The following RELN variants were observed in gnomAD, a reference collection of about 807,000 sequenced individuals.
RELN encodes the protein reelin.
A neutral mutation model predicts 427.6 loss-of-function variants in RELN; 108 were observed. The observed-to-expected ratio is 0.25, with a 90% CI of 0.22 to 0.30. RELN has a LOEUF of 0.30. Ranked by LOEUF, RELN falls within the 10% of genes least tolerant of loss-of-function variation. The pLI, the probability that RELN is intolerant of heterozygous loss-of-function variation, is 1.00. For missense variants in RELN, 3,715 were observed against 4,302.8 expected (o/e 0.86, Z 3.82); for synonymous variants, 1,524 against 1,513.4 (o/e 1.01, Z -0.16).
chr7:103,556,694 G>A (rs1584292452), intron 38 of RELN, among the ~76,000 whole-genome samples: 1 of 152,162 alleles, frequency 6.6e-6, no homozygotes, highest in Non-Finnish European at 1.5e-5. Flanking sequence ...TCTTGCTGCT[G>A]CCATGTAAGA....
intron 17 of RELN, among the ~76,000 whole-genome samples, chr7:103,637,947 C>T (rs899414360): frequency 6.6e-6 from 1 of 152,036 alleles, no homozygotes; most frequent in Non-Finnish European, 1.5e-5. Flanking sequence ...AACTGGTGAT[C>T]GTTTAGAGAT....
chr7:103,630,851 G>GTTTGTTT (rs1562930901), intron 19 of RELN, among the ~76,000 whole-genome samples: 1 of 20,548 alleles, frequency 4.9e-5, no homozygotes, highest in African/African-American at 2.0e-4. Flanking sequence ...TTATTTTTTT[G>GTTTGTTT]TTTTTTTTGT....
At chr7:103,773,426 CCTCTCT>C (rs60313039) in intron 4 of RELN, among the ~76,000 whole-genome samples, 4 of 46,294 alleles carry the variant, frequency 8.6e-5, no homozygotes, top group Admixed American at 2.6e-4. Context: ...TCCCTCGCTC[CCTCTCT>C]CTCTCTCTCT....
At chr7:103,696,050 A>T (rs1333573840) in intron 10 of RELN, among the ~76,000 whole-genome samples, 8 of 152,138 alleles carry the variant, frequency 5.3e-5, no homozygotes, top group African/African-American at 1.7e-4. Context: ...TTGAGGGTTC[A>T]CCAAATAATT....
Position 103,761,631 on chromosome 7 carries a change from G to T in RELN, c.545-8417C>A, listed in dbSNP as rs188769556. ...CCAAGACCAGTAAATTTTTTTTTGG[G>T]GGGGGGTAGAGACAAGATCTTACCA... On this transcript the variant is annotated intron_variant, in intron 4 of 64. Transcript: ENST00000428762. 6.9e-4 allele frequency among the ~76,000 whole-genome samples: 105 copies of T among 151,490 alleles called. 2 individuals are homozygous for T. Among genetic ancestry groups the T allele is most frequent in the Admixed American group, 1.8e-3 (27 of 15,216 alleles).
rs1223188878 is a variant in RELN, at chr7:103,553,651, A to C, written c.5969+9T>G. On this transcript the variant is annotated intron_variant, in intron 39 of 64. Transcript: ENST00000428762. ...GCAGTGGTTTTATTTTTAGATTCTT[A>C]ATACTTACGGTGCCCCCTTTGAAGA... The C allele has an allele frequency of 6.2e-7, 1 of 1,613,794 alleles. No individual in the cohort carries two copies. Among genetic ancestry groups the C allele is most frequent in the Non-Finnish European group, 8.5e-7 (1 of 1,179,742 alleles).
chr7:103,932,080 TGCAC>T (rs2116710742), intron 1 of RELN, among the ~76,000 whole-genome samples: 1 of 152,316 alleles, frequency 6.6e-6, no homozygotes, highest in South Asian at 2.1e-4. Flanking sequence ...TAAAGACACC[TGCAC>T]ACATATGTTC....
At position 103,500,877 on chromosome 7, in the gene RELN, C is replaced by T. The variant is rs1829004069; in HGVS notation, c.8535G>A (p.Trp2845Ter). 1 of 1,613,972 alleles carries T rather than the reference C, an allele frequency of 6.2e-7. No individual in the cohort carries two copies. Among genetic ancestry groups the T allele is most frequent in the Admixed American group, 1.7e-5 (1 of 59,990 alleles). The change falls in exon 53 of 65, where the codon TGG becomes TGA. Residue 2845 changes from tryptophan to a stop codon, truncating the protein, a stop_gained. Coordinates refer to ENST00000428762, the MANE Select transcript of RELN (RefSeq NM_005045.4). LOFTEE classifies it high-confidence loss of function. Reference protein sequence around the residue: ...RFYQKYSDMQWAIDNFYLGPG... With the variant: ...RFYQKYSDMQ ...GGCCCAGGTAGAAATTATCGATTGCCCACTGCATGTCTGAGTACTTCTGAT... is the reference window on the plus strand; with the variant it reads ...GGCCCAGGTAGAAATTATCGATTGCTCACTGCATGTCTGAGTACTTCTGAT...
chr7:103,500,679 A>ATAAG lies in RELN; in HGVS notation c.8667+62_8667+65dup, dbSNP rs147789346. Reference sequence around the variant, plus strand: ...CATTGTTATAGATTATGTCTCATACATAAGTTGGTTCCTAGGCATGACCCA... The same window carrying ATAAG: ...CATTGTTATAGATTATGTCTCATACATAAGTAAGTTGGTTCCTAGGCATGACCCA... On this transcript the variant is annotated intron_variant, in intron 53 of 64. Coordinates refer to ENST00000428762, the MANE Select transcript of RELN (RefSeq NM_005045.4). The ATAAG allele has an allele frequency of 2.5e-4, 382 of 1,522,412 alleles. 1 individual carries two copies. The African/African-American group carries it at 4.8e-3, about 19-fold the overall frequency. The allele number at this position is 1,522,412 out of a possible 1,614,324, so 94.3% of individuals were successfully genotyped here.
chr7:103,801,688 C>A (rs931951112), intron 3 of RELN, among the ~76,000 whole-genome samples: 1 of 151,702 alleles, frequency 6.6e-6, no homozygotes, highest in African/African-American at 2.4e-5. Flanking sequence ...ATGTAACGAG[C>A]CTGCACGTTG....
chr7:103,862,409 T>TTCATCCA (rs57691471), intron 2 of RELN, among the ~76,000 whole-genome samples: 1 of 144,734 alleles, frequency 6.9e-6, no homozygotes, highest in Non-Finnish European at 1.5e-5. Flanking sequence ...TATGCTTTTG[T>TTCATCCA]TCTATCTATC....
rs1317479925 is a variant in RELN, at chr7:103,594,343, A to G, written c.3689T>C (p.Val1230Ala). The change falls in exon 26 of 65, where the codon GTT (valine) becomes GCT (alanine). Residue 1230 changes from valine (V) to alanine (A), a missense_variant. Coordinates refer to ENST00000428762, the MANE Select transcript of RELN (RefSeq NM_005045.4). ...LSEKQKQIIP[V>A]INPTLPQNFY... The stretch of plus-strand genomic sequence containing the variant: ...TACCTGAGGTAAAGTTGGATTGATA[A>G]CTGGGATGATCTGCTTCTGCTTCTC... The G allele has an allele frequency of 6.2e-7, 1 of 1,613,966 alleles. No homozygotes were observed. Among genetic ancestry groups the G allele is most frequent in the South Asian group, 1.1e-5 (1 of 91,078 alleles).
intron 3 of RELN, among the ~76,000 whole-genome samples, chr7:103,822,154 C>T (rs908471954): frequency 9.9e-5 from 15 of 151,984 alleles, no homozygotes; most frequent in Non-Finnish European, 1.3e-4. Context: ...TTAATTTCCT[C>T]AAATTGTTTT....
chr7:103,889,051 GCT>G (rs1197805546), intron 2 of RELN, among the ~76,000 whole-genome samples: 2 of 152,164 alleles, frequency 1.3e-5, no homozygotes, highest in Non-Finnish European at 1.5e-5. Flanking sequence ...TTGTCAACCA[GCT>G]CTGTTTCTGA....
chr7:103,742,314 A>G (rs540392648), intron 6 of RELN, among the ~76,000 whole-genome samples: 103 of 152,264 alleles, frequency 6.8e-4, no homozygotes, highest in Non-Finnish European at 1.1e-3. Flanking sequence ...CAAAGATGGG[A>G]AAAAAACAGA....
At chr7:103,776,264 T>C (rs930785448) in intron 4 of RELN, among the ~76,000 whole-genome samples, 1 of 152,230 alleles carries the variant, frequency 6.6e-6, no homozygotes, top group Admixed American at 6.5e-5. Context: ...AGACACAGTT[T>C]GTAGAATTTA....
intron 1 of RELN, among the ~76,000 whole-genome samples, chr7:103,946,992 C>G (rs1796232618): frequency 6.6e-6 from 1 of 152,120 alleles, no homozygotes; most frequent in Non-Finnish European, 1.5e-5. Flanking sequence ...GAATGTTAGT[C>G]TAGTAAATCT....
At position 103,599,116 on chromosome 7, in the gene RELN, A is replaced by G. The variant is rs566944136; in HGVS notation, c.3334-2455T>C. Among the ~76,000 whole-genome samples, 3 of 152,362 alleles carry G rather than the reference A, an allele frequency of 2.0e-5. 1 individual carries two copies. The South Asian group carries it at 6.2e-4, about 32-fold the overall frequency. On this transcript the variant is annotated intron_variant, in intron 24 of 64. Transcript: ENST00000428762. ...ACGTTTATAACAAAACCTCCAAAACATTTCATGACTAATCACCTTTTGCTT... is the reference window on the plus strand; with the variant it reads ...ACGTTTATAACAAAACCTCCAAAACGTTTCATGACTAATCACCTTTTGCTT...
intron 28 of RELN, among the ~76,000 whole-genome samples, chr7:103,578,570 A>G (rs761351719): frequency 2.0e-5 from 3 of 152,004 alleles, no homozygotes; most frequent in Non-Finnish European, 4.4e-5. Flanking sequence ...CATTTCTCCA[A>G]GTTATGCCTG....
Sources: gnomAD v4.1 joint callset for allele counts (sites outside exome capture counted in the v4.1 genomes callset) on GRCh38, gnomAD v4.1.1 for gene constraint, MANE v1.5 for transcripts, NCBI Gene and HGNC (gene_info 2026-07-23, HGNC 2026-07-21) for gene names.